Variants in RLF observed in about 807,000 individuals in gnomAD.
RLF encodes zinc finger protein Rlf.
In RLF, 7 loss-of-function variants were observed where a neutral mutation model predicts 162.9. The observed-to-expected ratio is 0.04, with a 90% CI of 0.02 to 0.08. The LOEUF is 0.08. Ranked by LOEUF, RLF falls within the 10% of genes least tolerant of loss-of-function variation. The pLI, the probability that RLF is intolerant of heterozygous loss-of-function variation, is 1.00. For missense variants in RLF, 1,664 were observed against 2,244.7 expected (o/e 0.74, Z 5.23); for synonymous variants, 782 against 791.5 (o/e 0.99, Z 0.20).
At position 40,237,587 on chromosome 1, in the gene RLF, G is replaced by C. The variant is rs1643233152; in HGVS notation, c.2885G>C (p.Gly962Ala). 1.2e-6 allele frequency: 2 copies of C among 1,614,026 alleles called. No individual in the cohort carries two copies. Among genetic ancestry groups the C allele is most frequent in the African/African-American group, 2.7e-5 (2 of 74,934 alleles). ...TTTACCTGTGGTTTTGATGGCTGTG[G>C]TTCCACATACAAAAATGCAAGAGGA... Reference protein sequence around the residue: ...TKFTCGFDGCGSTYKNARGMQ... With the variant: ...TKFTCGFDGCASTYKNARGMQ... The change falls in exon 8 of 8, where the codon GGT becomes GCT. Residue 962 changes from glycine to alanine, a missense_variant. Gly to Ala is a moderately conservative substitution (Grantham distance 60). Transcript: ENST00000372771. The surrounding 1 kb of genome is among the most constrained non-coding windows in gnomAD (Gnocchi z 4.4).
At chr1:40,176,974 T>A (rs1399082487) in intron 1 of RLF, among the ~76,000 whole-genome samples, 1 of 151,848 alleles carries the variant, frequency 6.6e-6, no homozygotes, top group Admixed American at 6.6e-5. Context: ...TTTTTATTTA[T>A]TTCTTTTTTT....
At chr1:40,218,285 G>A (rs113962280) in intron 5 of RLF, among the ~76,000 whole-genome samples, 69 of 152,186 alleles carry the variant, frequency 4.5e-4, no homozygotes, top group African/African-American at 1.5e-3. Flanking sequence ...AAGGTCTTCC[G>A]TCTTCTGAGG....
chr1:40,220,171 T>G (rs188457197), intron 5 of RLF, among the ~76,000 whole-genome samples: 1 of 152,212 alleles, frequency 6.6e-6, no homozygotes, highest in Non-Finnish European at 1.5e-5. Context: ...GAGGTTGCAG[T>G]GAGCCAAGAT....
intron 5 of RLF, among the ~76,000 whole-genome samples, chr1:40,207,760 G>A (rs1229077244): frequency 2.0e-5 from 3 of 152,176 alleles, no homozygotes; most frequent in South Asian, 2.1e-4. Context: ...GCAGACGTGC[G>A]CCACTACACC....
chr1:40,186,397 G>A (rs1386886733), intron 1 of RLF, among the ~76,000 whole-genome samples: 1 of 152,170 alleles, frequency 6.6e-6, no homozygotes, highest in Non-Finnish European at 1.5e-5. Flanking sequence ...CAACACATGA[G>A]GGGGTAAAGA....
chr1:40,195,531 A>AAGT lies in RLF; in HGVS notation c.475-100_475-99insGTA, dbSNP rs781566690. 46 of 920,402 alleles carry AAGT rather than the reference A, an allele frequency of 5.0e-5. 1 individual carries two copies. The highest frequency in any genetic ancestry group is 1.9e-4 in the East Asian group (7 of 36,262). The allele number at this position is 920,402 out of a possible 1,614,324, so 57.0% of individuals were successfully genotyped here. On this transcript the variant is annotated intron_variant, in intron 3 of 7. Transcript: ENST00000372771. ...TGGTTACTTATTTTCAGGAAATCCA[A>AAGT]ATAGGTTCTTTCAATTCCTAGGTGT...
intron 5 of RLF, among the ~76,000 whole-genome samples, chr1:40,222,153 A>G (rs1643008855): frequency 6.6e-6 from 1 of 152,108 alleles, no homozygotes; most frequent in Non-Finnish European, 1.5e-5. Context: ...CTTTAGCCCC[A>G]CTGATATTGA....
chr1:40,169,961 A>G (rs1480899706), intron 1 of RLF, among the ~76,000 whole-genome samples: 2 of 152,114 alleles, frequency 1.3e-5, no homozygotes, highest in Admixed American at 6.5e-5. Flanking sequence ...AAGTGCTGGG[A>G]TTACAGGCGT....
At chr1:40,182,190 T>C (rs568007608) in intron 1 of RLF, among the ~76,000 whole-genome samples, 140 of 152,272 alleles carry the variant, frequency 9.2e-4, no homozygotes, top group Admixed American at 1.9e-3. Flanking sequence ...TTCCAGCACT[T>C]TGGGAGCCCG....
At position 40,189,294 on chromosome 1, in the gene RLF, A is replaced by AT. The variant is rs1642526061; in HGVS notation, c.392+88dup. On this transcript the variant is annotated intron_variant, in intron 2 of 7. Transcript: ENST00000372771. ...TGGTTTCTCTTTACAGTGGCATCAC[A>AT]TTTATTCTTCAGAGCACCATTAGAG... 3 of 1,126,736 alleles carry AT rather than the reference A, an allele frequency of 2.7e-6. No homozygotes were observed. In the Admixed American group the frequency reaches 5.9e-5, roughly 22 times the overall value. The allele number at this position is 1,126,736 out of a possible 1,614,324, so 69.8% of individuals were successfully genotyped here. A position where few individuals can be genotyped will look rare whatever the true frequency, so the allele number is the denominator to read the frequency against.
intron 4 of RLF, among the ~76,000 whole-genome samples, chr1:40,196,082 T>C (rs916829527): frequency 1.3e-5 from 2 of 152,072 alleles, no homozygotes; most frequent in Non-Finnish European, 2.9e-5. Flanking sequence ...TCTTTTCTTT[T>C]TTTTTTTTCC....
rs906200133 is a variant in RLF, at chr1:40,225,865, C to G, written c.947+3155C>G. ...TTGCACTCCAGCCTGGGTGACAGAG[C>G]GAGACTCCGTCGCAAAAAAAAAAAA... On this transcript the variant is annotated intron_variant, in intron 6 of 7. Coordinates refer to ENST00000372771, the MANE Select transcript of RLF (RefSeq NM_012421.4). 2.4e-5 allele frequency among the ~76,000 whole-genome samples: 3 copies of G among 123,064 alleles called. No homozygotes were observed. The Admixed American group carries it at 3.4e-4, about 14-fold the overall frequency. The allele number at this position is 123,064 out of a possible 152,430, so 80.7% of individuals were successfully genotyped here.
At chr1:40,211,867 A>G (rs896571169) in intron 5 of RLF, among the ~76,000 whole-genome samples, 1 of 152,166 alleles carries the variant, frequency 6.6e-6, no homozygotes, top group Admixed American at 6.5e-5. Context: ...ACCTCCTGTT[A>G]TCCGCCCGCC....
intron 1 of RLF, among the ~76,000 whole-genome samples, chr1:40,176,593 C>A (rs1642328947): frequency 1.3e-5 from 2 of 152,222 alleles, no homozygotes; most frequent in Non-Finnish European, 2.9e-5. Flanking sequence ...GCTTGTGTCA[C>A]CACACCTGGC....
chr1:40,239,044 C>G lies in RLF; in HGVS notation c.4342C>G (p.Leu1448Val). The change falls in exon 8 of 8, where the codon CTT (leucine) becomes GTT (valine). Residue 1448 changes from leucine to valine, a missense_variant. By Grantham distance (32) the Leu-to-Val change is conservative. Coordinates refer to ENST00000372771, the MANE Select transcript of RLF (RefSeq NM_012421.4). ...IHSDYEIHCD[L>V]NGCGQIFTHR... Reference sequence around the variant, plus strand: ...TTCAGATTATGAAATTCATTGTGATCTTAATGGCTGTGGCCAGATTTTCAC... The same window carrying G: ...TTCAGATTATGAAATTCATTGTGATGTTAATGGCTGTGGCCAGATTTTCAC... 6.2e-7 allele frequency: 1 copy of G among 1,614,162 alleles called. No homozygotes were observed. The highest frequency in any genetic ancestry group is 8.5e-7 in the Non-Finnish European group (1 of 1,180,012).
intron 1 of RLF, among the ~76,000 whole-genome samples, chr1:40,182,547 A>G (rs1415163651): frequency 1.3e-5 from 2 of 152,190 alleles, no homozygotes; most frequent in Non-Finnish European, 2.9e-5. Context: ...TTATTTTTGC[A>G]TATGTATGTA....
chr1:40,225,144 A>G (rs970233411), intron 6 of RLF, among the ~76,000 whole-genome samples: 7 of 152,178 alleles, frequency 4.6e-5, no homozygotes. Flanking sequence ...AGATATCAGT[A>G]TTTTTTAAAT....
intron 5 of RLF, among the ~76,000 whole-genome samples, chr1:40,203,497 C>G (rs955849772): frequency 2.6e-5 from 4 of 151,494 alleles, no homozygotes; most frequent in African/African-American, 9.7e-5. Flanking sequence ...GCATCGAGAT[C>G]GTGCCACTGC....
At chr1:40,187,277 G>A (rs1251244177) in intron 1 of RLF, among the ~76,000 whole-genome samples, 4 of 152,076 alleles carry the variant, frequency 2.6e-5, no homozygotes, top group South Asian at 4.1e-4. Context: ...TGATCCGTCC[G>A]CCTCGGCCTC....
Sources: allele counts gnomAD v4.1 joint callset (sites outside exome capture counted in the v4.1 genomes callset), GRCh38; gene constraint gnomAD v4.1.1; non-coding constraint Gnocchi (gnomAD v3.1); transcripts MANE v1.5; gene names NCBI Gene and HGNC (gene_info 2026-07-23, HGNC 2026-07-21).